The following GRIN2B variants were observed in gnomAD, a reference collection of about 807,000 sequenced individuals.
GRIN2B encodes glutamate receptor ionotropic, NMDA 2B.
GRIN2B carries 5 observed loss-of-function variants against 114.5 expected under a neutral mutation model. The ratio of observed to expected loss-of-function variants is 0.04; its 90% CI spans 0.02 to 0.09. The LOEUF is 0.09. Ranked by LOEUF, GRIN2B falls within the 10% of genes least tolerant of loss-of-function variation. GRIN2B has a pLI of 1.00. For missense variants in GRIN2B, 1,108 were observed against 1,943.5 expected (o/e 0.57, Z 8.08); for synonymous variants, 787 against 745.1 (o/e 1.06, Z -0.92).
At chr12:13,755,343 C>T (rs1421790854) in intron 3 of GRIN2B, among the ~76,000 whole-genome samples, 3 of 152,166 alleles carry the variant, frequency 2.0e-5, no homozygotes, top group Admixed American at 6.5e-5. Context: ...GCAATGAGAG[C>T]TGCCAGCCCC....
chr12:13,729,760 GAAGA>G (rs1451692344), intron 4 of GRIN2B, among the ~76,000 whole-genome samples: 2 of 146,666 alleles, frequency 1.4e-5, no homozygotes, highest in African/African-American at 5.0e-5. Context: ...AACTACAGGA[GAAGA>G]GAGAGACAGA....
intron 10 of GRIN2B, among the ~76,000 whole-genome samples, chr12:13,586,697 T>C (rs2136434159): frequency 6.6e-6 from 1 of 152,346 alleles, no homozygotes; most frequent in South Asian, 2.1e-4. Context: ...CTGCCCGATT[T>C]AGATGGTGTG....
chr12:13,926,186 T>C (rs1866907630), intron 2 of GRIN2B, among the ~76,000 whole-genome samples: 1 of 152,106 alleles, frequency 6.6e-6, no homozygotes. Flanking sequence ...GTGTCGGAGA[T>C]GGACAGAATG....
intron 2 of GRIN2B, among the ~76,000 whole-genome samples, chr12:13,895,352 G>A (rs1177195522): frequency 6.6e-6 from 1 of 152,052 alleles, no homozygotes; most frequent in African/African-American, 2.4e-5. Flanking sequence ...ACCCTACGCA[G>A]GAAATAATCA....
At chr12:13,930,473 C>T (rs1054213542) in intron 2 of GRIN2B, among the ~76,000 whole-genome samples, 11 of 152,222 alleles carry the variant, frequency 7.2e-5, no homozygotes, top group African/African-American at 2.2e-4. Flanking sequence ...AATTCACCCA[C>T]GCAACAGCAG....
Position 13,789,725 on chromosome 12 carries a change from T to C in GRIN2B, c.412-35810A>G, listed in dbSNP as rs138913575. ...GTATAAGTAAGTGCTCAATATATGT[T>C]ACTTGCTATTTTTTTAAGAAAACCT... is the stretch of plus-strand genomic sequence containing the variant. On this transcript the variant is annotated intron_variant, in intron 3 of 13. Transcript: ENST00000609686. 3.3e-5 allele frequency among the ~76,000 whole-genome samples: 5 copies of C among 152,352 alleles called. No individual in the cohort carries two copies. The East Asian group carries it at 9.6e-4, about 29-fold the overall frequency.
chr12:13,847,854 G>A (rs908523452), intron 3 of GRIN2B, among the ~76,000 whole-genome samples: 1 of 152,148 alleles, frequency 6.6e-6, no homozygotes, highest in African/African-American at 2.4e-5. Context: ...TCTCTGTAGT[G>A]TGGATGGTTA....
At position 13,776,040 on chromosome 12, in the gene GRIN2B, T is replaced by C. The variant is rs557275293; in HGVS notation, c.412-22125A>G. Among the ~76,000 whole-genome samples the C allele has an allele frequency of 5.3e-5, 8 of 152,238 alleles. No homozygotes were observed. In the South Asian group the frequency reaches 8.3e-4, roughly 16 times the overall value. ...TGGAATCAACCTAAATGCTCATCAA[T>C]GATAGACTGGATAAAGAAAATGTGG... On this transcript the variant is annotated intron_variant, in intron 3 of 13. Transcript: ENST00000609686.
chr12:13,550,470 G>C lies in GRIN2B; in HGVS notation c.*12313C>G, dbSNP rs1161163863. The C allele has an allele frequency of 6.6e-6, 1 of 152,204 alleles. No individual in the cohort carries two copies. The highest frequency in any genetic ancestry group is 2.4e-5 in the African/African-American group (1 of 41,458). 9.4% of individuals were successfully genotyped at this position (152,204 alleles called of 1,614,324 possible). On this transcript the variant is annotated 3_prime_UTR_variant, in exon 14 of 14. Transcript: ENST00000609686. Reference sequence around the variant, plus strand: ...TGCGCTGATCACTGAAGGTGTGCAAGAGTCTCAGGAGGAATTCTGTCATAA... The same window carrying C: ...TGCGCTGATCACTGAAGGTGTGCAACAGTCTCAGGAGGAATTCTGTCATAA...
intron 3 of GRIN2B, among the ~76,000 whole-genome samples, chr12:13,767,720 TCA>T (rs1416048116): frequency 1.3e-5 from 2 of 152,196 alleles, no homozygotes; most frequent in African/African-American, 4.8e-5. Context: ...CAAGTTAGTT[TCA>T]CACAGATGAA....
intron 5 of GRIN2B, among the ~76,000 whole-genome samples, chr12:13,633,296 C>G (rs1429228103): frequency 6.6e-6 from 1 of 152,242 alleles, no homozygotes; most frequent in Non-Finnish European, 1.5e-5. Context: ...TCCAGAACTA[C>G]TGAATTGGCA....
In GRIN2B at chr12:13,563,003, G is replaced by A. The variant is rs1314346300; in HGVS notation, c.4235C>T (p.Ala1412Val). 1.9e-6 allele frequency: 3 copies of A among 1,613,436 alleles called. No individual in the cohort carries two copies. The highest frequency in any genetic ancestry group is 4.5e-5 in the East Asian group (2 of 44,852). The change falls in exon 14 of 14, where the codon GCG becomes GTG. Residue 1412 changes from alanine (A) to valine (V), a missense_variant. Physicochemically the swap from Ala to Val is moderately conservative, Grantham distance 64. Coordinates refer to ENST00000609686, the MANE Select transcript of GRIN2B (RefSeq NM_000834.5). The stretch of plus-strand genomic sequence containing the variant: ...GTCCGGCCTGGCTTTCGACGCCCCC[G>A]CCACCGTGGGCTGCCTGAAGAAGTA... ...KSYFFRQPTV[A>V]GASKARPDFR... is the part of the protein sequence containing the mutation.
chr12:13,821,923 G>A (rs1265321458), intron 3 of GRIN2B, among the ~76,000 whole-genome samples: 2 of 152,062 alleles, frequency 1.3e-5, no homozygotes, highest in Admixed American at 6.6e-5. Context: ...AAATAAATAC[G>A]GGAAGCAATG....
chr12:13,672,961 T>C (rs1200621960), intron 5 of GRIN2B, among the ~76,000 whole-genome samples: 1 of 152,188 alleles, frequency 6.6e-6, no homozygotes, highest in African/African-American at 2.4e-5. Flanking sequence ...TCATACATGC[T>C]ACAAATATTT....
chr12:13,620,133 G>A (rs372208546), intron 5 of GRIN2B, among the ~76,000 whole-genome samples: 181 of 152,328 alleles, frequency 1.2e-3, no homozygotes, highest in African/African-American at 4.1e-3. Flanking sequence ...ATTTTGAGCT[G>A]TGGCTTGAAA....
chr12:13,922,034 G>A (rs1359833236), intron 2 of GRIN2B, among the ~76,000 whole-genome samples: 1 of 152,126 alleles, frequency 6.6e-6, no homozygotes, highest in Non-Finnish European at 1.5e-5. Flanking sequence ...TATTTCTCAG[G>A]ATTGTTAGGG....
intron 2 of GRIN2B, among the ~76,000 whole-genome samples, chr12:13,959,804 TA>T (rs1867659471): frequency 7.0e-6 from 1 of 143,552 alleles, no homozygotes; most frequent in South Asian, 2.2e-4. Flanking sequence ...CCATTTCCAA[TA>T]TTGGGAGAAC....
At chr12:13,593,069 G>C (rs1221759060) in intron 10 of GRIN2B, among the ~76,000 whole-genome samples, 1 of 152,102 alleles carries the variant, frequency 6.6e-6, no homozygotes, top group Non-Finnish European at 1.5e-5. Context: ...TTCAGATGCT[G>C]TAAGGATAAT....
At chr12:13,885,429 C>A (rs548589241) in intron 2 of GRIN2B, among the ~76,000 whole-genome samples, 2 of 152,246 alleles carry the variant, frequency 1.3e-5, no homozygotes, top group Non-Finnish European at 2.9e-5. Context: ...TCCTCACTAG[C>A]CGGGTGTGGT....
Sources: allele counts gnomAD v4.1 joint callset (sites outside exome capture counted in the v4.1 genomes callset), GRCh38; gene constraint gnomAD v4.1.1; transcripts MANE v1.5; gene names NCBI Gene and HGNC (gene_info 2026-07-23, HGNC 2026-07-21).